The following PSD3 variants were observed in gnomAD, a reference collection of about 807,000 sequenced individuals.
PSD3 encodes the protein pleckstrin and Sec7 domain containing 3.
A neutral mutation model predicts 105.5 loss-of-function variants in PSD3; 49 were observed. That is an observed-to-expected ratio of 0.46 (90% confidence interval 0.37 to 0.59). The LOEUF (loss-of-function observed/expected upper bound fraction) is 0.59, where lower values mean the gene tolerates loss of function less well. PSD3 is among the 20% of genes least tolerant of loss of function. The probability of loss-of-function intolerance (pLI) is 0.00; values close to 1 mark genes in which losing one functional copy is unlikely to be tolerated. For missense variants in PSD3, 1,561 were observed against 1,263.8 expected, an observed-to-expected ratio of 1.24 and a Z score of -3.57; for synonymous variants, 557 against 457.8, an observed-to-expected ratio of 1.22 and a Z score of -2.77.
chr8:19,050,833 T>G (rs1563531357), intron 1 of PSD3, among the ~76,000 whole-genome samples: 1 of 150,668 alleles, frequency 6.6e-6, no homozygotes, highest in African/African-American at 2.4e-5. Context: ...TCTTAAAGTA[T>G]AAAAAAAAAT....
intron 1 of PSD3, among the ~76,000 whole-genome samples, chr8:18,948,830 C>T (rs937810001): frequency 1.3e-5 from 2 of 151,284 alleles, no homozygotes; most frequent in Non-Finnish European, 1.5e-5. Context: ...AAGAGAAAAA[C>T]AGGTGCTAAA....
chr8:18,647,066 T>C (rs911780303), intron 10 of PSD3, among the ~76,000 whole-genome samples: 2 of 152,162 alleles, frequency 1.3e-5, no homozygotes, highest in African/African-American at 4.8e-5. Context: ...CACACCTTCA[T>C]GGGCAGTGTT....
chr8:19,042,964 G>A (rs1031380980), intron 1 of PSD3, among the ~76,000 whole-genome samples: 2 of 152,120 alleles, frequency 1.3e-5, no homozygotes, highest in Non-Finnish European at 2.9e-5. Flanking sequence ...ATACGAATAG[G>A]CTGGAGGTAC....
intron 12 of PSD3, among the ~76,000 whole-genome samples, chr8:18,577,938 T>C (rs2130379892): frequency 6.6e-6 from 1 of 152,172 alleles, no homozygotes; most frequent in South Asian, 2.1e-4. Flanking sequence ...AAGTATTTTC[T>C]TTAGGTAGGT....
At chr8:19,013,832 G>GA (rs547180436), upstream of PSD3, 15,083 of 167,932 alleles carry the variant, frequency 0.09, 1,082 homozygotes, top group Non-Finnish European at 0.13. Context: ...GCGGGCCCCG[G>GA]GGGCGGAGGG....
intron 3 of PSD3, among the ~76,000 whole-genome samples, chr8:18,868,924 T>G (rs1017326105): frequency 1.3e-5 from 2 of 152,186 alleles, no homozygotes; most frequent in East Asian, 3.9e-4. Flanking sequence ...ACTTAACCTC[T>G]CTGAGCCTCA....
At chr8:18,932,257 A>G (rs1388642687) in intron 2 of PSD3, among the ~76,000 whole-genome samples, 1 of 152,202 alleles carries the variant, frequency 6.6e-6, no homozygotes, top group Non-Finnish European at 1.5e-5. Context: ...CACCTGTCGT[A>G]GGCTGGGACC....
At chr8:18,658,302 A>T (rs1309362924) in intron 9 of PSD3, among the ~76,000 whole-genome samples, 2 of 152,176 alleles carry the variant, frequency 1.3e-5, no homozygotes, top group African/African-American at 2.4e-5. Context: ...ATGCATCCAA[A>T]ACTTAAATAC....
chr8:18,558,223 T>C (rs1801193604), intron 14 of PSD3, among the ~76,000 whole-genome samples: 1 of 152,244 alleles, frequency 6.6e-6, no homozygotes, highest in Non-Finnish European at 1.5e-5. Context: ...TTTTTATTTC[T>C]TTCAAAGTTG....
chr8:18,652,646 C>T (rs778294146), intron 10 of PSD3, among the ~76,000 whole-genome samples: 8 of 151,538 alleles, frequency 5.3e-5, no homozygotes, highest in African/African-American at 1.7e-4. Flanking sequence ...TACAAGTGCA[C>T]GCCACCACGC....
intron 14 of PSD3, among the ~76,000 whole-genome samples, chr8:18,567,082 C>A (rs1304077086): frequency 5.6e-4 from 85 of 152,172 alleles, no homozygotes; most frequent in Non-Finnish European, 1.5e-4. Flanking sequence ...AGGAAACACT[C>A]ATATGTTGCT....
intron 1 of PSD3, among the ~76,000 whole-genome samples, chr8:18,977,620 A>G (rs1825015616): frequency 6.6e-6 from 1 of 152,162 alleles, no homozygotes; most frequent in African/African-American, 2.4e-5. Flanking sequence ...GATATGAGAG[A>G]TGTATAGAAC....
chr8:18,792,088 G>T (rs919251659), intron 8 of PSD3, among the ~76,000 whole-genome samples: 16 of 152,274 alleles, frequency 1.1e-4, no homozygotes, highest in African/African-American at 3.4e-4. Context: ...AGGTTGTGAA[G>T]AAAAAGGAAT....
intron 9 of PSD3, among the ~76,000 whole-genome samples, chr8:18,661,516 C>T (rs1354470231): frequency 1.3e-5 from 2 of 152,186 alleles, no homozygotes; most frequent in Admixed American, 6.5e-5. Context: ...CAATGGTCTT[C>T]AACTTCTACT....
intron 1 of PSD3, among the ~76,000 whole-genome samples, chr8:19,005,565 G>A (rs2129474840): frequency 6.6e-6 from 1 of 152,050 alleles, no homozygotes; most frequent in Admixed American, 6.6e-5. Context: ...ACTGCATGCA[G>A]CCTCAACCTC....
chr8:18,889,728 CTTTCATAACAGTCATTTCCATGT>C (rs1216754433), intron 2 of PSD3, among the ~76,000 whole-genome samples: 1 of 152,172 alleles, frequency 6.6e-6, no homozygotes, highest in African/African-American at 2.4e-5. Flanking sequence ...GCATAAACCT[CTTTCATAACAGTCATTTCCATGT>C]CTGGATGTCT....
At chr8:18,937,451 T>C (rs1822213423) in intron 1 of PSD3, among the ~76,000 whole-genome samples, 1 of 152,190 alleles carries the variant, frequency 6.6e-6, no homozygotes, top group East Asian at 1.9e-4. Flanking sequence ...TTCTATTCTA[T>C]GCTTTGGAGT....
At chr8:18,548,720 G>T (rs7016386) in intron 15 of PSD3, among the ~76,000 whole-genome samples, 1 of 152,152 alleles carries the variant, frequency 6.6e-6, no homozygotes, top group Non-Finnish European at 1.5e-5. Context: ...GTTTGCACTT[G>T]CTATCTGCAG....
At chr8:19,008,431 A>T (rs1191790616) in intron 1 of PSD3, among the ~76,000 whole-genome samples, 2 of 152,190 alleles carry the variant, frequency 1.3e-5, no homozygotes, top group Non-Finnish European at 1.5e-5. Context: ...AGAAAATAAC[A>T]CAGTCACGAA....
Sources: gnomAD v4.1 joint callset for allele counts (sites outside exome capture counted in the v4.1 genomes callset) on GRCh38, gnomAD v4.1.1 for gene constraint, MANE v1.5 for transcripts, NCBI Gene and HGNC (gene_info 2026-07-23, HGNC 2026-07-21) for gene names.